The following FOSL2 variants were observed in gnomAD, a reference collection of about 807,000 sequenced individuals.
The protein encoded by FOSL2 is fos-related antigen 2.
Under a neutral mutation model 27.7 loss-of-function variants are expected in FOSL2, and 3 were observed. The observed-to-expected ratio is 0.11, with a 90% CI of 0.05 to 0.28. The LOEUF is 0.28. FOSL2 is among the 10% of genes least tolerant of loss of function. The pLI is 1.00. For synonymous variants in FOSL2, 179 were observed against 190.1 expected, an observed-to-expected ratio of 0.94 and a Z score of 0.48; for missense variants, 333 against 445.1, an observed-to-expected ratio of 0.75 and a Z score of 2.27.
At position 28,404,797 on chromosome 2, in the gene FOSL2, C is replaced by G. The variant is rs1290505835; in HGVS notation, c.354+439C>G. ...GGTCTAGTGCAGGCCAGGCACCCAG[C>G]AGACCTACGGGGTCAAGCTCTGGGT... On this transcript the variant is annotated intron_variant, in intron 2 of 3. Transcript: ENST00000264716. This position sits in a 1 kb window ranked among gnomAD's most constrained non-coding sequence, Gnocchi z 4.7. Among the ~76,000 whole-genome samples, 1 of 152,218 alleles carries G rather than the reference C, an allele frequency of 6.6e-6. No homozygotes were observed. Among genetic ancestry groups the G allele is most frequent in the African/African-American group, 2.4e-5 (1 of 41,448 alleles).
At position 28,414,995 on chromosome 2, in the gene FOSL2, T is replaced by A. The variant is rs1011024758; in HGVS notation, c.*2547T>A. 2.6e-5 allele frequency: 4 copies of A among 152,234 alleles called. No individual in the cohort carries two copies. The highest frequency in any genetic ancestry group is 9.7e-5 in the African/African-American group (4 of 41,448). The allele number at this position is 152,234 out of a possible 1,614,324, so 9.4% of individuals were successfully genotyped here. A position where few individuals can be genotyped will look rare whatever the true frequency, so the allele number is the denominator to read the frequency against. On this transcript the variant is annotated 3_prime_UTR_variant, in exon 4 of 4. Transcript: ENST00000264716. The stretch of plus-strand genomic sequence containing the variant: ...TGAGCATATCCTGAGTTTTACTTCC[T>A]TATGGCTTGCCCTCCAAGTTCTCTC...
chr2:28,412,217 C>T lies in FOSL2; in HGVS notation c.750C>T (p.Ser250=). The T allele has an allele frequency of 6.2e-7, 1 of 1,613,684 alleles. No homozygotes were observed. The highest frequency in any genetic ancestry group is 1.7e-5 in the Admixed American group (1 of 60,022). The part of the protein sequence containing the change: ...KAQRSVIKPI[S]IAGGFYGEEP... The stretch of plus-strand genomic sequence containing the variant: ...AGCGCTCTGTCATCAAGCCCATCAG[C>T]ATTGCTGGGGGCTTCTACGGTGAGG... Residue 250 remains serine, a synonymous_variant, in exon 4 of 4, where the codon AGC becomes AGT. Coordinates refer to ENST00000264716, the MANE Select transcript of FOSL2 (RefSeq NM_005253.4). This position sits in a 1 kb window ranked among gnomAD's most constrained non-coding sequence, Gnocchi z 7.1.
At chr2:28,406,766 C>G (rs1664091546) in intron 2 of FOSL2, among the ~76,000 whole-genome samples, 1 of 152,242 alleles carries the variant, frequency 6.6e-6, no homozygotes, top group African/African-American at 2.4e-5. Context: ...AGGTTGCCAG[C>G]CCTCAGGGCT....
At position 28,414,476 on chromosome 2, in the gene FOSL2, T is replaced by C. The variant is rs971790660; in HGVS notation, c.*2028T>C. 6.6e-6 allele frequency: 1 copy of C among 152,182 alleles called. No homozygotes were observed. The highest frequency in any genetic ancestry group is 2.4e-5 in the African/African-American group (1 of 41,450). The allele number at this position is 152,182 out of a possible 1,614,324, so 9.4% of individuals were successfully genotyped here. On this transcript the variant is annotated 3_prime_UTR_variant, in exon 4 of 4. Transcript: ENST00000264716. The stretch of plus-strand genomic sequence containing the variant: ...GGACCCTTCTAAGAAGATTGGGCAG[T>C]TGGGTTTCTGGCTTGAGATGAATCC...
rs539470542 is a variant in FOSL2, at chr2:28,392,947, A to G, written c.-774A>G. 34 of 338,160 alleles carry G rather than the reference A, an allele frequency of 1.0e-4. No homozygotes were observed. Among genetic ancestry groups the G allele is most frequent in the South Asian group, 3.3e-4 (9 of 27,578 alleles). 20.9% of individuals were successfully genotyped at this position (338,160 alleles called of 1,614,324 possible). A position where few individuals can be genotyped will look rare whatever the true frequency, so the allele number is the denominator to read the frequency against. On this transcript the variant is annotated 5_prime_UTR_variant, in exon 1 of 4. Transcript: ENST00000264716. ...GCGCTCGGCGGGGACAGAAAGAGGG[A>G]GAGAGAGAGAGAGAGAGAGGGAGAG...
rs1664257724 is a variant in FOSL2, at chr2:28,413,807, C to T, written c.*1359C>T. 2.5e-6 allele frequency: 1 copy of T among 398,846 alleles called. No individual in the cohort carries two copies. The highest frequency in any genetic ancestry group is 4.4e-6 in the Non-Finnish European group (1 of 226,200). The allele number at this position is 398,846 out of a possible 1,614,324, so 24.7% of individuals were successfully genotyped here. On this transcript the variant is annotated 3_prime_UTR_variant, in exon 4 of 4. Coordinates refer to ENST00000264716, the MANE Select transcript of FOSL2 (RefSeq NM_005253.4). ...GCAAGCTGTGAACAGCTGGCCTGAG[C>T]TGTCGCTGTGGCTTGTGGCTCATGC... is the stretch of plus-strand genomic sequence containing the variant.
chr2:28,413,805 A>C lies in FOSL2; in HGVS notation c.*1357A>C, dbSNP rs1307015702. On this transcript the variant is annotated 3_prime_UTR_variant, in exon 4 of 4. Transcript: ENST00000264716. ...AAGCAAGCTGTGAACAGCTGGCCTG[A>C]GCTGTCGCTGTGGCTTGTGGCTCAT... 7.5e-6 allele frequency: 3 copies of C among 398,668 alleles called. No individual in the cohort carries two copies. Among genetic ancestry groups the C allele is most frequent in the East Asian group, 3.6e-5 (1 of 28,094 alleles). 24.7% of individuals were successfully genotyped at this position (398,668 alleles called of 1,614,324 possible).
intron 1 of FOSL2, among the ~76,000 whole-genome samples, chr2:28,401,542 C>A (rs770269940): frequency 6.6e-6 from 1 of 152,158 alleles, no homozygotes; most frequent in Non-Finnish European, 1.5e-5. Context: ...CTCCTGACCC[C>A]GAGTGCAGTG....
Position 28,416,874 on chromosome 2 carries a change from T to C in FOSL2, c.*4426T>C, listed in dbSNP as rs1008801899. On this transcript the variant is annotated 3_prime_UTR_variant, in exon 4 of 4. Coordinates refer to ENST00000264716, the MANE Select transcript of FOSL2 (RefSeq NM_005253.4). ...GTTAATGACGTGGAGTAAAGTCAGC[T>C]GTAAGACTCTGGAGGCAAACAAGTT... 6.6e-6 allele frequency: 1 copy of C among 152,064 alleles called. No individual in the cohort carries two copies. Among genetic ancestry groups the C allele is most frequent in the Non-Finnish European group, 1.5e-5 (1 of 68,032 alleles). The allele number at this position is 152,064 out of a possible 1,614,324, so 9.4% of individuals were successfully genotyped here.
In FOSL2 at chr2:28,392,940, AAGAGGGAG is replaced by A. The variant is rs1411163385; in HGVS notation, c.-776_-769del. ...ACGAGCGGCGCTCGGCGGGGACAGA[AAGAGGGAG>A]AGAGAGAGAGAGAGAGAGGGAGAGG... On this transcript the variant is annotated 5_prime_UTR_variant, in exon 1 of 4. Transcript: ENST00000264716. The A allele has an allele frequency of 1.5e-5, 10 of 689,042 alleles. No homozygotes were observed. The highest frequency in any genetic ancestry group is 1.1e-4 in the East Asian group (4 of 35,848). The allele number at this position is 689,042 out of a possible 1,614,324, so 42.7% of individuals were successfully genotyped here.
chr2:28,398,485 G>GC (rs1663905449), intron 1 of FOSL2, among the ~76,000 whole-genome samples: 2 of 152,244 alleles, frequency 1.3e-5, no homozygotes, highest in African/African-American at 2.4e-5. Context: ...CTCCAAAGGG[G>GC]CCCACACACT....
chr2:28,395,531 T>C (rs981642016), intron 1 of FOSL2: 4 of 152,222 alleles, frequency 2.6e-5, no homozygotes, highest in African/African-American at 9.7e-5. Flanking sequence ...GCGGAGGCAA[T>C]TCCCGGTTTT....
intron 3 of FOSL2, among the ~76,000 whole-genome samples, chr2:28,410,843 T>G (rs1397287047): frequency 2.0e-5 from 3 of 152,164 alleles, no homozygotes; most frequent in Admixed American, 2.0e-4. Flanking sequence ...TCCTGAAATA[T>G]GTGCTTAAGA....
At chr2:28,409,551 G>A (rs1379603569) in intron 3 of FOSL2, among the ~76,000 whole-genome samples, 2 of 152,010 alleles carry the variant, frequency 1.3e-5, no homozygotes, top group South Asian at 2.1e-4. Flanking sequence ...CCTGACCAAC[G>A]TCACGTAACT....
chr2:28,408,758 G>A lies in FOSL2; in HGVS notation c.355-1G>A. The A allele has an allele frequency of 6.2e-7, 1 of 1,605,336 alleles. No homozygotes were observed. The highest frequency in any genetic ancestry group is 8.5e-7 in the Non-Finnish European group (1 of 1,174,632). On this transcript the variant is annotated splice_acceptor_variant, in intron 2 of 3. Coordinates refer to ENST00000264716, the MANE Select transcript of FOSL2 (RefSeq NM_005253.4). LOFTEE classifies it high-confidence loss of function. This position sits in a 1 kb window ranked among gnomAD's most constrained non-coding sequence, Gnocchi z 4.1. ...CCATGATCCTTGGCTTTGGCCTCTA[G>A]CTGTCTCCTGAAGAGGAGGAGAAGC...
At chr2:28,401,679 T>C (rs551756102) in intron 1 of FOSL2, among the ~76,000 whole-genome samples, 13 of 152,312 alleles carry the variant, frequency 8.5e-5, no homozygotes, top group East Asian at 1.9e-4. Flanking sequence ...CCAGCCCCAA[T>C]TGGCCATTTT....
chr2:28,409,145 C>T (rs538643237), intron 3 of FOSL2, among the ~76,000 whole-genome samples: 1 of 152,262 alleles, frequency 6.6e-6, no homozygotes, highest in South Asian at 2.1e-4. Context: ...TACGCAGCAC[C>T]TGAGTGTTCT....
At position 28,404,391 on chromosome 2, in the gene FOSL2, C is replaced by T. The variant is rs376696808; in HGVS notation, c.354+33C>T. 1.8e-5 allele frequency: 29 copies of T among 1,586,400 alleles called. No individual in the cohort carries two copies. In the East Asian group the frequency reaches 2.9e-4, roughly 16 times the overall value. ...TCAGACCAGTGGGAAGGAGCCACGT[C>T]AGTGGCTTTCAGAGCCCCAGAAACA... On this transcript the variant is annotated intron_variant, in intron 2 of 3. Transcript: ENST00000264716. The surrounding 1 kb of genome is among the most constrained non-coding windows in gnomAD (Gnocchi z 4.7).
At chr2:28,411,401 C>T (rs557617530) in intron 3 of FOSL2, among the ~76,000 whole-genome samples, 1 of 152,068 alleles carries the variant, frequency 6.6e-6, no homozygotes, top group African/African-American at 2.4e-5. Context: ...TTCCGTACCC[C>T]CTTCTCCATG....
Sources: gnomAD v4.1 joint callset for allele counts (sites outside exome capture counted in the v4.1 genomes callset) on GRCh38, gnomAD v4.1.1 for gene constraint, Gnocchi (gnomAD v3.1) non-coding constraint, MANE v1.5 for transcripts, NCBI Gene and HGNC (gene_info 2026-07-23, HGNC 2026-07-21) for gene names.